The following SVOP variants were observed in gnomAD, a reference collection of about 807,000 sequenced individuals.
The protein encoded by SVOP is synaptic vesicle 2-related protein.
SVOP carries 17 observed loss-of-function variants against 69.1 expected under a neutral mutation model. That is an observed-to-expected ratio of 0.25 (90% CI 0.17 to 0.37). The LOEUF (loss-of-function observed/expected upper bound fraction) is 0.37, where lower values mean the gene tolerates loss of function less well. Ranked by LOEUF, SVOP falls within the 10% of genes least tolerant of loss-of-function variation. The probability of loss-of-function intolerance (pLI) is 1.00; values close to 1 mark genes in which losing one functional copy is unlikely to be tolerated. For synonymous variants in SVOP, 238 were observed against 238.6 expected, an observed-to-expected ratio of 1.00 and a Z score of 0.02; for missense variants, 435 against 597.5, an observed-to-expected ratio of 0.73 and a Z score of 2.84.
At chr12:108,994,189 G>A (rs961757044) in intron 1 of SVOP, among the ~76,000 whole-genome samples, 12 of 152,130 alleles carry the variant, frequency 7.9e-5, no homozygotes, top group South Asian at 2.1e-4. Flanking sequence ...AATAACTTAC[G>A]ATACTGATCT....
At chr12:108,993,139 CTGGGA>C (rs1243551178) in intron 1 of SVOP, among the ~76,000 whole-genome samples, 1 of 152,084 alleles carries the variant, frequency 6.6e-6, no homozygotes, top group Non-Finnish European at 1.5e-5. Flanking sequence ...TCCCAAGTAG[CTGGGA>C]TTACAGGCAC....
chr12:108,955,052 C>T (rs1189428374), intron 6 of SVOP, among the ~76,000 whole-genome samples: 4 of 152,202 alleles, frequency 2.6e-5, no homozygotes, highest in Non-Finnish European at 4.4e-5. Flanking sequence ...TTTCTTACTA[C>T]TTCTATGTCA....
chr12:108,955,288 G>A (rs908188275), intron 6 of SVOP, among the ~76,000 whole-genome samples: 2 of 152,168 alleles, frequency 1.3e-5, no homozygotes, highest in Non-Finnish European at 2.9e-5. Flanking sequence ...TTCCAGCCAC[G>A]AGGGGAAAAC....
rs961756751 is a variant in SVOP at position 108,937,044 on chromosome 12, G to A, written c.971+220C>T. 3 of 542,176 alleles carry A rather than the reference G, an allele frequency of 5.5e-6. No individual in the cohort carries two copies. In the African/African-American group the frequency reaches 5.7e-5, roughly 10 times the overall value. The allele number at this position is 542,176 out of a possible 1,614,324, so 33.6% of individuals were successfully genotyped here. On this transcript the variant is annotated intron_variant, in intron 10 of 15. Coordinates refer to ENST00000610966, the MANE Select transcript of SVOP (RefSeq NM_018711.5). ...GCCACTGCACTCCAGCCTGCACGGT[G>A]ATTAAAAGCAGTCAAGTTAAAGAAA... is the stretch of plus-strand genomic sequence containing the variant.
intron 6 of SVOP, among the ~76,000 whole-genome samples, chr12:108,960,335 T>C (rs2040010593): frequency 6.6e-6 from 1 of 152,126 alleles, no homozygotes; most frequent in African/African-American, 2.4e-5. Context: ...CCATCACAAA[T>C]AGGAAGTCCT....
In SVOP at chr12:108,960,988, G is replaced by A. The variant is rs149268005; in HGVS notation, c.513C>T (p.Pro171=). ...LYYGILSAFA[P]VYSWILVLRG... Reference sequence around the variant, plus strand: ...GGAGCACCAGGATCCAGCTATACACGGGCGCAAATGCACTAAGGATGCCAT... The same window carrying A: ...GGAGCACCAGGATCCAGCTATACACAGGCGCAAATGCACTAAGGATGCCAT... Residue 171 remains proline (P), a synonymous_variant, in exon 6 of 16, where the codon CCC becomes CCT. Transcript: ENST00000610966. The A allele has an allele frequency of 2.2e-4, 335 of 1,537,090 alleles. No homozygotes were observed. Among genetic ancestry groups the A allele is most frequent in the Non-Finnish European group, 2.7e-4 (311 of 1,146,848 alleles).
chr12:109,011,417 AGT>A (rs2040340869), intron 1 of SVOP, among the ~76,000 whole-genome samples: 1 of 152,120 alleles, frequency 6.6e-6, no homozygotes, highest in African/African-American at 2.4e-5. Context: ...TTTTGCCTGA[AGT>A]GAGTGACAAT....
chr12:108,907,849 C>T lies in SVOP; in HGVS notation c.*4686G>A, dbSNP rs1425428289. ...TTCCATGCATACTGACCACTTGCCA[C>T]GTTATGATCTGTAAGAGAGTTCTGA... On this transcript the variant is annotated 3_prime_UTR_variant, in exon 16 of 16. Coordinates refer to ENST00000610966, the MANE Select transcript of SVOP (RefSeq NM_018711.5). 2.0e-5 allele frequency: 3 copies of T among 152,226 alleles called. No individual in the cohort carries two copies. Among genetic ancestry groups the T allele is most frequent in the African/African-American group, 4.8e-5 (2 of 41,438 alleles). The allele number at this position is 152,226 out of a possible 1,614,324, so 9.4% of individuals were successfully genotyped here.
Position 108,994,350 on chromosome 12 carries a change from T to C in SVOP, c.36-10589A>G, listed in dbSNP as rs1593202934. 1.3e-5 allele frequency among the ~76,000 whole-genome samples: 2 copies of C among 152,006 alleles called. 1 individual carries two copies. Among genetic ancestry groups the C allele is most frequent in the East Asian group, 3.9e-4 (2 of 5,168 alleles). ...CTTTACTAAAAATACAAAAATTAGCTGGGCCTGGTGGCATGCACCTGTAAT... is the reference window on the plus strand; with the variant it reads ...CTTTACTAAAAATACAAAAATTAGCCGGGCCTGGTGGCATGCACCTGTAAT... On this transcript the variant is annotated intron_variant, in intron 1 of 15. Transcript: ENST00000610966.
Position 108,983,592 on chromosome 12 carries a change from C to A in SVOP, c.196+9G>T, listed in dbSNP as rs1361856882. 7.5e-6 allele frequency: 3 copies of A among 398,732 alleles called. No individual in the cohort carries two copies. The highest frequency in any genetic ancestry group is 4.4e-5 in the Admixed American group (1 of 22,712). 24.7% of individuals were successfully genotyped at this position (398,732 alleles called of 1,614,324 possible). A position where few individuals can be genotyped will look rare whatever the true frequency, so the allele number is the denominator to read the frequency against. On this transcript the variant is annotated intron_variant, in intron 2 of 15. Transcript: ENST00000610966. ...CCAGGCTGATTCCCCAACTGCAGGG[C>A]CCTCTCACCATCAGTGGGATTGGCA...
intron 11 of SVOP, among the ~76,000 whole-genome samples, chr12:108,932,133 C>G (rs879357577): frequency 9.2e-5 from 14 of 152,198 alleles, no homozygotes; most frequent in Non-Finnish European, 1.9e-4. Context: ...CTGCCTCAGC[C>G]TCCCAGCTAG....
At chr12:109,010,942 C>T (rs1190039087) in intron 1 of SVOP, among the ~76,000 whole-genome samples, 2 of 151,420 alleles carry the variant, frequency 1.3e-5, no homozygotes, top group African/African-American at 4.9e-5. Flanking sequence ...GAGGCAGGGT[C>T]TCGCTCTGTC....
chr12:108,945,025 G>T, intron 7 of SVOP, 78 bp downstream of exon 7: 1 of 1,341,334 alleles, frequency 7.5e-7, no homozygotes, highest in Non-Finnish European at 1.0e-6. Flanking sequence ...CCTTTTCCTT[G>T]ACCTGTGGTT....
intron 4 of SVOP, 74 bp downstream of exon 4, chr12:108,977,324 A>G (rs1026588371): frequency 6.7e-7 from 1 of 1,487,738 alleles, no homozygotes; most frequent in African/African-American, 1.4e-5. Context: ...GCAGCAGGAG[A>G]AGGGAGATAT....
chr12:109,004,702 TATTTCATTTC>T (rs149632810), intron 1 of SVOP, among the ~76,000 whole-genome samples: 55,965 of 146,206 alleles, frequency 0.38, 12,670 homozygotes, highest in African/African-American at 0.61. Flanking sequence ...CTGATACAAG[TATTTCATTTC>T]ATTTCATTTC....
chr12:109,005,333 G>A (rs987678486), intron 1 of SVOP, among the ~76,000 whole-genome samples: 1 of 152,128 alleles, frequency 6.6e-6, no homozygotes, highest in Non-Finnish European at 1.5e-5. Context: ...CTATAAAATG[G>A]AAATGGTAAT....
chr12:108,934,106 G>C lies in SVOP; in HGVS notation c.1048+89C>G, dbSNP rs557869157. On this transcript the variant is annotated intron_variant, in intron 11 of 15. Transcript: ENST00000610966. Reference sequence around the variant, plus strand: ...GTAGTACAAGGCCAATCCCTTAAGGGCAGAGCCTGGGGTGGGAGTGTGTGC... The same window carrying C: ...GTAGTACAAGGCCAATCCCTTAAGGCCAGAGCCTGGGGTGGGAGTGTGTGC... 4.3e-6 allele frequency: 5 copies of C among 1,175,024 alleles called. No individual in the cohort carries two copies. In the Admixed American group the frequency reaches 1.1e-4, roughly 25 times the overall value. 72.8% of individuals were successfully genotyped at this position (1,175,024 alleles called of 1,614,324 possible).
chr12:108,920,084 A>G (rs1299114272), intron 12 of SVOP, among the ~76,000 whole-genome samples: 2 of 152,218 alleles, frequency 1.3e-5, no homozygotes, highest in Non-Finnish European at 2.9e-5. Flanking sequence ...CCAGCAAGGA[A>G]CTGAGGCCCT....
chr12:108,944,732 C>A (rs542038929), intron 7 of SVOP, among the ~76,000 whole-genome samples: 2 of 152,138 alleles, frequency 1.3e-5, no homozygotes, highest in East Asian at 3.9e-4. Flanking sequence ...AAATTCTTGA[C>A]CAAAAAGACA....
Sources: gnomAD v4.1 joint callset for allele counts (sites outside exome capture counted in the v4.1 genomes callset) on GRCh38, gnomAD v4.1.1 for gene constraint, MANE v1.5 for transcripts, NCBI Gene and HGNC (gene_info 2026-07-23, HGNC 2026-07-21) for gene names.